Variants in KLHL3 observed in about 807,000 individuals in gnomAD.
The protein encoded by KLHL3 is kelch like family member 3, also known as kelch-like protein 3.
KLHL3 carries 19 observed loss-of-function variants against 70.5 expected under a neutral mutation model. That is an observed-to-expected ratio of 0.27 (90% CI 0.19 to 0.40). The LOEUF (loss-of-function observed/expected upper bound fraction) is 0.40. KLHL3 is among the 10% of genes least tolerant of loss of function. KLHL3 has a pLI of 1.00. For missense variants in KLHL3, 512 were observed against 771.1 expected, an observed-to-expected ratio of 0.66 and a Z score of 3.98; for synonymous variants, 258 against 290.3, an observed-to-expected ratio of 0.89 and a Z score of 1.13.
At chr5:137,667,804 A>G (rs1192650938) in intron 6 of KLHL3, among the ~76,000 whole-genome samples, 1 of 152,106 alleles carries the variant, frequency 6.6e-6, no homozygotes, top group East Asian at 1.9e-4. Context: ...AATATCAGGG[A>G]AAAAAAACTA....
chr5:137,636,425 T>C (rs924720783), intron 11 of KLHL3, among the ~76,000 whole-genome samples: 4 of 152,246 alleles, frequency 2.6e-5, no homozygotes, highest in African/African-American at 9.6e-5. Flanking sequence ...TGAATCAGTG[T>C]TGTCCTGCAA....
chr5:137,650,042 T>C (rs762587072), intron 8 of KLHL3, among the ~76,000 whole-genome samples: 97 of 152,240 alleles, frequency 6.4e-4, no homozygotes, highest in Non-Finnish European at 1.3e-3. Flanking sequence ...AGGCTAATAA[T>C]GCAAAGAAGC....
intron 1 of KLHL3, among the ~76,000 whole-genome samples, chr5:137,726,085 A>G (rs549954669): frequency 6.6e-6 from 1 of 152,294 alleles, no homozygotes; most frequent in African/African-American, 2.4e-5. Flanking sequence ...CACCATCGCC[A>G]AACTGATCCT....
intron 5 of KLHL3, among the ~76,000 whole-genome samples, chr5:137,685,236 A>T (rs1163433291): frequency 6.6e-6 from 1 of 152,264 alleles, no homozygotes; most frequent in Non-Finnish European, 1.5e-5. Context: ...ACTCCAAAAT[A>T]TTATGTACAA....
intron 12 of KLHL3, among the ~76,000 whole-genome samples, chr5:137,633,278 CAAAAAAAAAAA>C (rs56084512): frequency 1.4e-5 from 1 of 72,002 alleles, no homozygotes; most frequent in Non-Finnish European, 2.3e-5. Flanking sequence ...GACTTCATCT[CAAAAAAAAAAA>C]AAAAAAAAAA....
intron 1 of KLHL3, among the ~76,000 whole-genome samples, chr5:137,726,812 G>A (rs549068443): frequency 1.3e-5 from 2 of 152,128 alleles, no homozygotes; most frequent in Non-Finnish European, 2.9e-5. Flanking sequence ...CTTTACAAGC[G>A]TTAGATGGTA....
At chr5:137,720,003 G>A (rs557803090) in intron 2 of KLHL3, among the ~76,000 whole-genome samples, 1 of 152,248 alleles carries the variant, frequency 6.6e-6, no homozygotes, top group East Asian at 1.9e-4. Flanking sequence ...CTCAAGCAGA[G>A]TTCGAAAGGG....
At chr5:137,625,941 C>A (rs376188142) in intron 13 of KLHL3, 45 bp from the exon 14 acceptor site, 2 of 1,612,604 alleles carry the variant, frequency 1.2e-6, no homozygotes, top group Non-Finnish European at 1.7e-6. Flanking sequence ...AGCAGGTGCA[C>A]TAAGAGATCA....
chr5:137,702,783 C>A (rs1257817029), intron 3 of KLHL3, among the ~76,000 whole-genome samples: 1 of 152,150 alleles, frequency 6.6e-6, no homozygotes. Flanking sequence ...TCTTTAAATA[C>A]GTAGACCATT....
At chr5:137,721,015 CT>C in intron 1 of KLHL3, 1 of 274,070 alleles carries the variant, frequency 3.6e-6, no homozygotes, top group Non-Finnish European at 5.6e-6. Flanking sequence ...CCTCACAAAG[CT>C]TAGAGTTCAG....
At chr5:137,681,992 G>A (rs12188115) in intron 5 of KLHL3, among the ~76,000 whole-genome samples, 30,231 of 151,974 alleles carry the variant, frequency 0.2, 3,186 homozygotes, top group Non-Finnish European at 0.24. Flanking sequence ...AATGTTAAAA[G>A]GATAATAAAA....
At chr5:137,652,899 C>A (rs975203185) in intron 8 of KLHL3, among the ~76,000 whole-genome samples, 1 of 152,034 alleles carries the variant, frequency 6.6e-6, no homozygotes, top group African/African-American at 2.4e-5. Context: ...ATCTATATTT[C>A]AAAACCTCAT....
In KLHL3 at chr5:137,692,174, T is replaced by C. The variant is rs1752339081; in HGVS notation, c.526+111A>G. 5.4e-6 allele frequency: 5 copies of C among 931,702 alleles called. No homozygotes were observed. The East Asian group carries it at 1.1e-4, about 20-fold the overall frequency. 57.7% of individuals were successfully genotyped at this position (931,702 alleles called of 1,614,324 possible). On this transcript the variant is annotated intron_variant, in intron 5 of 14. Transcript: ENST00000309755. ...TCCACCTGTATCCCTAACTAAATCA[T>C]AGCTGCTTCACAGCAGAGACCACTT...
chr5:137,731,109 T>A (rs1467878952), intron 1 of KLHL3, among the ~76,000 whole-genome samples: 1 of 152,098 alleles, frequency 6.6e-6, no homozygotes, highest in African/African-American at 2.4e-5. Flanking sequence ...ACAAAAATTA[T>A]CTTGTCCAGA....
intron 1 of KLHL3, among the ~76,000 whole-genome samples, chr5:137,722,286 C>T (rs1276685658): frequency 2.0e-5 from 3 of 152,204 alleles, no homozygotes; most frequent in Admixed American, 6.5e-5. Flanking sequence ...CTTGTCTGAC[C>T]GTAACAGACT....
chr5:137,647,327 C>T (rs1751074318), intron 8 of KLHL3, among the ~76,000 whole-genome samples: 1 of 152,132 alleles, frequency 6.6e-6, no homozygotes, highest in South Asian at 2.1e-4. Context: ...TCACAACCAC[C>T]CTGTGTCTGA....
chr5:137,728,872 T>C (rs572850989), intron 1 of KLHL3, among the ~76,000 whole-genome samples: 2 of 151,794 alleles, frequency 1.3e-5, no homozygotes, highest in East Asian at 1.9e-4. Context: ...AAAATAACTA[T>C]TGGCTACCTG....
intron 3 of KLHL3, chr5:137,707,438 A>T (rs982423883): frequency 6.6e-6 from 1 of 152,254 alleles, no homozygotes. Context: ...GTCTCAAAAA[A>T]AAAAGACTAT....
chr5:137,646,243 C>T (rs1751042181), intron 8 of KLHL3, among the ~76,000 whole-genome samples: 1 of 152,062 alleles, frequency 6.6e-6, no homozygotes, highest in Non-Finnish European at 1.5e-5. Flanking sequence ...CGAGATATCA[C>T]CTCACCCCAA....
Sources: gnomAD v4.1 joint callset for allele counts (sites outside exome capture counted in the v4.1 genomes callset) on GRCh38, gnomAD v4.1.1 for gene constraint, MANE v1.5 for transcripts, NCBI Gene and HGNC (gene_info 2026-07-23, HGNC 2026-07-21) for gene names.